Variants in BMP6 observed in about 807,000 individuals in gnomAD.
BMP6 encodes bone morphogenetic protein 6, also known as VG-1-R.
BMP6 carries 17 observed loss-of-function variants against 54.1 expected under a neutral mutation model. That is an observed-to-expected ratio of 0.31 (90% CI 0.22 to 0.47). The LOEUF (loss-of-function observed/expected upper bound fraction) is 0.47. BMP6 is among the 20% of genes least tolerant of loss of function. BMP6 has a pLI of 1.00. For synonymous variants in BMP6, 328 were observed against 291.2 expected, an observed-to-expected ratio of 1.13 and a Z score of -1.28; for missense variants, 720 against 690.4, an observed-to-expected ratio of 1.04 and a Z score of -0.48.
intron 1 of BMP6, among the ~76,000 whole-genome samples, chr6:7,771,055 CTG>C (rs1373109359): frequency 6.6e-6 from 1 of 152,178 alleles, no homozygotes; most frequent in African/African-American, 2.4e-5. Context: ...TGAGTAGAAT[CTG>C]TGTTTTTGCT....
In BMP6 at chr6:7,727,242, T is replaced by C. The variant is rs200573175; in HGVS notation, c.287T>C (p.Leu96Pro). Reference sequence around the variant, plus strand: ...GGGCTCCCGCACCGGCCCCGGCCCCTGCACGGCCTCCAACAGCCGCAGCCC... The same window carrying C: ...GGGCTCCCGCACCGGCCCCGGCCCCCGCACGGCCTCCAACAGCCGCAGCCC... ...VLGLPHRPRP[L>P]HGLQQPQPPA... Residue 96 changes from leucine (L) to proline (P), a missense_variant, in exon 1 of 7, where the codon CTG becomes CCG. Around this residue, in one of 3 missense-constraint regions of BMP6, gnomAD observed 650 missense variants for 556.3 expected, o/e 1.17. Transcript: ENST00000283147. The C allele has an allele frequency of 5.9e-3, 9,551 of 1,606,568 alleles. 39 individuals carry two copies. The highest frequency in any genetic ancestry group is 7.4e-3 in the Non-Finnish European group (8,727 of 1,177,212).
intron 1 of BMP6, among the ~76,000 whole-genome samples, chr6:7,777,141 T>G (rs887222498): frequency 6.6e-6 from 1 of 152,174 alleles, no homozygotes; most frequent in South Asian, 2.1e-4. Context: ...AGCAAGGATA[T>G]CTTCCACCTG....
chr6:7,743,441 A>G (rs1757300547), intron 1 of BMP6, among the ~76,000 whole-genome samples: 1 of 152,200 alleles, frequency 6.6e-6, no homozygotes, highest in South Asian at 2.1e-4. Flanking sequence ...GGGCACTGCT[A>G]TTCTCCTCTC....
intron 1 of BMP6, among the ~76,000 whole-genome samples, chr6:7,812,085 T>G (rs1758444084): frequency 6.6e-6 from 1 of 152,130 alleles, no homozygotes; most frequent in African/African-American, 2.4e-5. Context: ...TTAGCTGTTT[T>G]GGGTTAGGGT....
chr6:7,824,164 A>G (rs1180351408), intron 1 of BMP6, among the ~76,000 whole-genome samples: 1 of 152,196 alleles, frequency 6.6e-6, no homozygotes, highest in East Asian at 1.9e-4. Flanking sequence ...TGCTGGTGTC[A>G]TGGAGGCAGG....
chr6:7,776,003 T>G (rs1162067952), intron 1 of BMP6, among the ~76,000 whole-genome samples: 1 of 152,228 alleles, frequency 6.6e-6, no homozygotes, highest in Admixed American at 6.5e-5. Flanking sequence ...GCACTTGATC[T>G]CGTTAGAATG....
At chr6:7,826,543 A>C (rs760972283) in intron 1 of BMP6, among the ~76,000 whole-genome samples, 2 of 152,210 alleles carry the variant, frequency 1.3e-5, no homozygotes, top group Non-Finnish European at 2.9e-5. Flanking sequence ...AAAGAGAAAA[A>C]TCAAAACTCA....
chr6:7,860,378 A>G (rs547059401), intron 2 of BMP6, among the ~76,000 whole-genome samples: 30 of 152,280 alleles, frequency 2.0e-4, no homozygotes, highest in African/African-American at 6.7e-4. Context: ...CATGGCCAAA[A>G]TATAGCCCTC....
chr6:7,799,418 T>A lies in BMP6; in HGVS notation c.665-45722T>A, dbSNP rs563299477. Among the ~76,000 whole-genome samples the A allele has an allele frequency of 7.9e-5, 12 of 152,308 alleles. No homozygotes were observed. The East Asian group carries it at 1.3e-3, about 17-fold the overall frequency. On this transcript the variant is annotated intron_variant, in intron 1 of 6. Coordinates refer to ENST00000283147, the MANE Select transcript of BMP6 (RefSeq NM_001718.6). Reference sequence around the variant, plus strand: ...TAATTCAGGGAAGTCCTGTTCAGATTATTGAAAAGATCAAAGTTATGATTT... The same window carrying A: ...TAATTCAGGGAAGTCCTGTTCAGATAATTGAAAAGATCAAAGTTATGATTT...
chr6:7,828,400 T>C (rs1003181506), intron 1 of BMP6, among the ~76,000 whole-genome samples: 1 of 152,256 alleles, frequency 6.6e-6, no homozygotes, highest in African/African-American at 2.4e-5. Context: ...GAGATGTTCG[T>C]GCACCCTGCG....
intron 1 of BMP6, among the ~76,000 whole-genome samples, chr6:7,820,193 G>A (rs1758585245): frequency 6.6e-6 from 1 of 152,150 alleles, no homozygotes; most frequent in African/African-American, 2.4e-5. Flanking sequence ...TTTAAAATGT[G>A]TGTGCATATA....
At chr6:7,743,428 C>G (rs1438944029) in intron 1 of BMP6, among the ~76,000 whole-genome samples, 1 of 152,186 alleles carries the variant, frequency 6.6e-6, no homozygotes, top group East Asian at 1.9e-4. Context: ...TGCAATCTAA[C>G]TGGGGCACTG....
At chr6:7,773,066 A>G (rs1757813927) in intron 1 of BMP6, among the ~76,000 whole-genome samples, 1 of 152,204 alleles carries the variant, frequency 6.6e-6, no homozygotes, top group African/African-American at 2.4e-5. Flanking sequence ...CCTATGTGCC[A>G]TTAACAGTCA....
chr6:7,876,059 G>A (rs892815699), intron 4 of BMP6, among the ~76,000 whole-genome samples: 1 of 152,170 alleles, frequency 6.6e-6, no homozygotes. Context: ...TATCTGTCGT[G>A]GGAAATGGGG....
At chr6:7,835,127 G>GTTTGTTTT (rs143170916) in intron 1 of BMP6, among the ~76,000 whole-genome samples, 2 of 152,056 alleles carry the variant, frequency 1.3e-5, no homozygotes, top group African/African-American at 4.8e-5. Context: ...TGCTTTGTTT[G>GTTTGTTTT]TTTGTTTGTT....
chr6:7,728,705 C>T (rs1243846365), intron 1 of BMP6, among the ~76,000 whole-genome samples: 1 of 152,178 alleles, frequency 6.6e-6, no homozygotes, highest in Non-Finnish European at 1.5e-5. Flanking sequence ...GGGATGGTTG[C>T]AGCTGCGCGG....
chr6:7,769,861 A>AATAG (rs1431297086), intron 1 of BMP6, among the ~76,000 whole-genome samples: 4 of 152,258 alleles, frequency 2.6e-5, no homozygotes, highest in Non-Finnish European at 4.4e-5. Context: ...AACCTTGTCA[A>AATAG]ATAGATCATA....
At chr6:7,801,970 A>G (rs150911133) in intron 1 of BMP6, among the ~76,000 whole-genome samples, 1 of 152,284 alleles carries the variant, frequency 6.6e-6, no homozygotes, top group East Asian at 1.9e-4. Flanking sequence ...AATTCATAGA[A>G]GGCCCCTTCT....
intron 1 of BMP6, among the ~76,000 whole-genome samples, chr6:7,758,688 C>G (rs1409521901): frequency 1.3e-5 from 2 of 152,204 alleles, no homozygotes; most frequent in African/African-American, 4.8e-5. Context: ...GGCGGCTTGC[C>G]AAGCCTGACA....
Sources: gnomAD v4.1 joint callset for allele counts (sites outside exome capture counted in the v4.1 genomes callset) on GRCh38, gnomAD v4.1.1 for gene constraint, gnomAD v4.1.1 regional missense constraint, MANE v1.5 for transcripts, NCBI Gene and HGNC (gene_info 2026-07-23, HGNC 2026-07-21) for gene names.